TENM2: variants seen among roughly 807,000 people sequenced by gnomAD.
The protein encoded by TENM2 is teneurin transmembrane protein 2, also known as teneurin-2.
In TENM2, 52 loss-of-function variants were observed where a neutral mutation model predicts 245.2. The ratio of observed to expected loss-of-function variants is 0.21; its 90% CI spans 0.17 to 0.27. The LOEUF (loss-of-function observed/expected upper bound fraction) is 0.27. Among genes scored for constraint, TENM2 ranks in the 10% least tolerant of loss-of-function variants. The probability of loss-of-function intolerance (pLI) is 1.00; values close to 1 mark genes in which losing one functional copy is unlikely to be tolerated. For synonymous variants in TENM2, 1,363 were observed against 1,438.9 expected (o/e 0.95, Z 1.19); for missense variants, 3,046 against 3,666.8 (o/e 0.83, Z 4.37).
At chr5:167,315,803 A>G (rs2127762075) in intron 1 of TENM2, among the ~76,000 whole-genome samples, 1 of 152,318 alleles carries the variant, frequency 6.6e-6, no homozygotes, top group South Asian at 2.1e-4. Flanking sequence ...TGGGCATTCT[A>G]TAGAATGCAA....
intron 5 of TENM2, among the ~76,000 whole-genome samples, chr5:168,042,101 C>T (rs1788241177): frequency 6.6e-6 from 1 of 152,110 alleles, no homozygotes; most frequent in Non-Finnish European, 1.5e-5. Flanking sequence ...CAGCCCTAAC[C>T]CTTTCTGTCA....
intron 2 of TENM2, among the ~76,000 whole-genome samples, chr5:167,842,167 T>C (rs537585114): frequency 1.3e-5 from 2 of 152,210 alleles, no homozygotes; most frequent in South Asian, 4.1e-4. Flanking sequence ...TCTGTAGTAC[T>C]CTAAAAGAAG....
chr5:167,533,708 C>T (rs1418400375), intron 2 of TENM2, among the ~76,000 whole-genome samples: 4 of 152,150 alleles, frequency 2.6e-5, no homozygotes, highest in Admixed American at 2.6e-4. Flanking sequence ...AATCCTACCA[C>T]TTCAGCCTCC....
At chr5:168,069,285 C>T (rs1442694540) in intron 7 of TENM2, among the ~76,000 whole-genome samples, 3 of 152,152 alleles carry the variant, frequency 2.0e-5, no homozygotes, top group Non-Finnish European at 4.4e-5. Flanking sequence ...TGATAAACGA[C>T]AGTTACAGAA....
intron 28 of TENM2, among the ~76,000 whole-genome samples, chr5:168,260,616 G>A (rs547882447): frequency 8.5e-5 from 13 of 152,278 alleles, no homozygotes; most frequent in Middle Eastern, 3.4e-3. Flanking sequence ...TCCCAACTTC[G>A]ATTATTGCCT....
At chr5:168,005,807 G>A (rs558441671) in intron 5 of TENM2, among the ~76,000 whole-genome samples, 1 of 152,164 alleles carries the variant, frequency 6.6e-6, no homozygotes, top group Admixed American at 6.5e-5. Context: ...GGCCAAGTGG[G>A]GTGCAGACCC....
the TENM2 span, among the ~76,000 whole-genome samples, chr5:167,279,107 C>G: frequency 6.6e-6 from 1 of 152,136 alleles, no homozygotes; most frequent in South Asian, 2.1e-4. Context: ...TTGCTACTTT[C>G]TAATGACCTC....
intron 14 of TENM2, among the ~76,000 whole-genome samples, chr5:168,194,366 A>G (rs999357933): frequency 6.6e-6 from 1 of 152,172 alleles, no homozygotes; most frequent in Non-Finnish European, 1.5e-5. Flanking sequence ...GGACTTTCCC[A>G]GGGGTAGCTG....
intron 2 of TENM2, among the ~76,000 whole-genome samples, chr5:167,715,343 GT>G (rs1257974213): frequency 2.0e-5 from 3 of 152,122 alleles, no homozygotes; most frequent in African/African-American, 7.2e-5. Flanking sequence ...TGAACACCTG[GT>G]TTCTTTGAGG....
chr5:167,952,821 C>T, exon 4 of TENM2: 1 of 1,553,386 alleles, frequency 6.4e-7, no homozygotes, highest in Non-Finnish European at 8.7e-7. Flanking sequence ...ACTGGAGACC[C>T]GGTAAGTCCC....
intron 23 of TENM2, among the ~76,000 whole-genome samples, chr5:168,220,463 A>C (rs1693714288): frequency 6.6e-6 from 1 of 152,196 alleles, no homozygotes; most frequent in Non-Finnish European, 1.5e-5. Flanking sequence ...CATGACTCGT[A>C]ATTGTGTTTT....
intron 25 of TENM2, among the ~76,000 whole-genome samples, chr5:168,229,196 C>T (rs1764590246): frequency 6.6e-6 from 1 of 152,118 alleles, no homozygotes; most frequent in Non-Finnish European, 1.5e-5. Context: ...AGAAAACAGA[C>T]TCAGGGAAGC....
At chr5:168,069,146 A>G (rs1415309852) in intron 7 of TENM2, among the ~76,000 whole-genome samples, 4 of 152,292 alleles carry the variant, frequency 2.6e-5, no homozygotes, top group African/African-American at 9.6e-5. Flanking sequence ...TGAATCAAAC[A>G]TGTGCCTCTG....
intron 2 of TENM2, among the ~76,000 whole-genome samples, chr5:167,448,032 A>C (rs753809073): frequency 9.9e-5 from 15 of 152,222 alleles, no homozygotes; most frequent in Non-Finnish European, 2.2e-4. Context: ...AAATAGAGAA[A>C]AATGAACAGT....
At chr5:167,404,646 C>T (rs1367635336) in intron 2 of TENM2, among the ~76,000 whole-genome samples, 1 of 151,414 alleles carries the variant, frequency 6.6e-6, no homozygotes, top group Non-Finnish European at 1.5e-5. Context: ...CAGTGCTGCT[C>T]ATATCATTGA....
intron 3 of TENM2, among the ~76,000 whole-genome samples, chr5:167,941,162 A>G (rs1779144577): frequency 6.6e-6 from 1 of 152,200 alleles, no homozygotes; most frequent in Non-Finnish European, 1.5e-5. Flanking sequence ...GTGGATTGCA[A>G]TGATAGAGCA....
At chr5:167,913,155 A>G (rs1776679728) in intron 3 of TENM2, among the ~76,000 whole-genome samples, 1 of 152,228 alleles carries the variant, frequency 6.6e-6, no homozygotes, top group Non-Finnish European at 1.5e-5. Context: ...CTCCCTGGCC[A>G]GCTGGTTGGT....
At chr5:167,684,896 G>A (rs1756970637) in intron 2 of TENM2, among the ~76,000 whole-genome samples, 1 of 152,200 alleles carries the variant, frequency 6.6e-6, no homozygotes, top group Non-Finnish European at 1.5e-5. Flanking sequence ...ATACAGAGCT[G>A]AAGCCGTGAG....
At chr5:167,790,641 T>C (rs1165433536) in intron 2 of TENM2, among the ~76,000 whole-genome samples, 2 of 152,152 alleles carry the variant, frequency 1.3e-5, no homozygotes, top group Non-Finnish European at 2.9e-5. Flanking sequence ...GCCTCCGCCA[T>C]CTTGCACCAT....
Sources: allele counts gnomAD v4.1 joint callset (sites outside exome capture counted in the v4.1 genomes callset), GRCh38; gene constraint gnomAD v4.1.1; transcripts MANE v1.5; gene names NCBI Gene and HGNC (gene_info 2026-07-23, HGNC 2026-07-21).